The following RP1 variants were observed in gnomAD, a reference collection of about 807,000 sequenced individuals.
RP1 encodes the protein RP1 axonemal microtubule associated.
A neutral mutation model predicts 14.8 loss-of-function variants in RP1; 16 were observed. The observed-to-expected ratio is 1.08, with a 90% CI of 0.73 to 1.65. The LOEUF is 1.65. Among genes scored for constraint, RP1 ranks in the 40% most tolerant of loss-of-function variants. RP1 has a pLI of 0.00. For missense variants in RP1, 2,631 were observed against 2,535.0 expected (o/e 1.04, Z -0.81); for synonymous variants, 876 against 883.6 (o/e 0.99, Z 0.15).
At chr8:54,723,757 A>T (rs938523544) in intron 16 of RP1, among the ~76,000 whole-genome samples, 1 of 152,180 alleles carries the variant, frequency 6.6e-6, no homozygotes, top group Non-Finnish European at 1.5e-5. Context: ...GTTTTAAAAA[A>T]CTGTAGATCA....
intron 1 of RP1, among the ~76,000 whole-genome samples, chr8:54,569,050 A>G (rs2129292324): frequency 6.6e-6 from 1 of 152,370 alleles, no homozygotes; most frequent in African/African-American, 2.4e-5. Context: ...TAAATACTCA[A>G]TAAATATTAG....
At chr8:54,591,458 A>T (rs1443573121) in intron 1 of RP1, among the ~76,000 whole-genome samples, 1 of 151,858 alleles carries the variant, frequency 6.6e-6, no homozygotes, top group Non-Finnish European at 1.5e-5. Flanking sequence ...TTTCTCTTTA[A>T]ATTAGTTTTA....
chr8:54,682,993 G>T (rs1458197146), intron 12 of RP1, among the ~76,000 whole-genome samples: 1 of 151,982 alleles, frequency 6.6e-6, no homozygotes, highest in African/African-American at 2.4e-5. Flanking sequence ...TAAGGAAGGG[G>T]TCCAGTTTCC....
intron 15 of RP1, among the ~76,000 whole-genome samples, chr8:54,714,968 G>A (rs1176524519): frequency 1.3e-5 from 2 of 152,260 alleles, no homozygotes; most frequent in African/African-American, 2.4e-5. Flanking sequence ...AAAAGAGAAG[G>A]CATAATAATA....
At chr8:54,777,767 C>T (rs540184700) in intron 23 of RP1, among the ~76,000 whole-genome samples, 4 of 152,222 alleles carry the variant, frequency 2.6e-5, no homozygotes, top group East Asian at 3.9e-4. Flanking sequence ...GTCTTGTTTA[C>T]AGTATCTTTG....
chr8:54,596,252 A>T (rs1273577792), intron 1 of RP1, among the ~76,000 whole-genome samples: 1 of 152,214 alleles, frequency 6.6e-6, no homozygotes, highest in Non-Finnish European at 1.5e-5. Flanking sequence ...GTGAAATTCC[A>T]TTGTGATTTT....
At chr8:54,752,966 A>G (rs773412591) in intron 19 of RP1, among the ~76,000 whole-genome samples, 25 of 152,262 alleles carry the variant, frequency 1.6e-4, no homozygotes, top group South Asian at 2.1e-4. Context: ...TAATGTTAAT[A>G]TGAAGTATTT....
At chr8:54,663,980 C>A in intron 7 of RP1, 1 of 884,436 alleles carries the variant, frequency 1.1e-6, no homozygotes, top group Non-Finnish European at 1.6e-6. Flanking sequence ...ATTCACATTT[C>A]TGTGCAACAG....
chr8:54,843,180 C>A (rs558468542), intron 25 of RP1, among the ~76,000 whole-genome samples: 1 of 152,104 alleles, frequency 6.6e-6, no homozygotes, highest in Non-Finnish European at 1.5e-5. Flanking sequence ...GGACTACAGG[C>A]GTGCACCACC....
At position 54,853,543 on chromosome 8, in the gene RP1, C is replaced by A. The variant is rs118122064; in HGVS notation, c.3990+815C>A. ...CGTGCACAGATAAACTCCATCTCTGCCATTGTGGTTACTCCATCCATGGCC... is the reference window on the plus strand; with the variant it reads ...CGTGCACAGATAAACTCCATCTCTGACATTGTGGTTACTCCATCCATGGCC... On this transcript the variant is annotated intron_variant, in intron 26 of 28. Coordinates refer to the RP1 transcript ENST00000637698. Among the ~76,000 whole-genome samples, 486 of 152,254 alleles carry A rather than the reference C, an allele frequency of 3.2e-3. 7 individuals are homozygous for A. The East Asian group carries it at 0.053, about 17-fold the overall frequency.
At chr8:54,573,226 A>C (rs1030689175) in intron 1 of RP1, among the ~76,000 whole-genome samples, 14 of 152,226 alleles carry the variant, frequency 9.2e-5, no homozygotes, top group African/African-American at 3.4e-4. Context: ...AGAATGAGGC[A>C]TAACAGCTTG....
chr8:54,695,248 A>G (rs1386339905), intron 12 of RP1, among the ~76,000 whole-genome samples: 3 of 149,936 alleles, frequency 2.0e-5, no homozygotes, highest in Non-Finnish European at 4.4e-5. Flanking sequence ...TAAAATCGGG[A>G]CCCTTAATTT....
chr8:54,702,276 C>T (rs1371260610), intron 14 of RP1, among the ~76,000 whole-genome samples: 1 of 152,054 alleles, frequency 6.6e-6, no homozygotes, highest in East Asian at 1.9e-4. Flanking sequence ...GTTATTAAAT[C>T]AATATTCAGC....
At chr8:54,784,456 C>T (rs965570632) in intron 24 of RP1, among the ~76,000 whole-genome samples, 3 of 152,014 alleles carry the variant, frequency 2.0e-5, no homozygotes. Flanking sequence ...AAATAGAACA[C>T]TTTGGTAGTG....
intron 1 of RP1, among the ~76,000 whole-genome samples, chr8:54,606,445 AC>A: frequency 6.6e-6 from 1 of 151,864 alleles, no homozygotes; most frequent in Non-Finnish European, 1.5e-5. Flanking sequence ...TTTGTGGGTA[AC>A]CCGACCTTTC....
Position 54,836,412 on chromosome 8 carries a change from A to T in RP1, c.3616-1038A>T, listed in dbSNP as rs549464573. On this transcript the variant is annotated intron_variant, in intron 24 of 28. Transcript: ENST00000637698. ...TTAAGGTTACTAATTAGCTGACCTT[A>T]AAATAGGAAGATTAATCTGGTTTAT... Among the ~76,000 whole-genome samples, 4 of 152,340 alleles carry T rather than the reference A, an allele frequency of 2.6e-5. No individual in the cohort carries two copies. In the East Asian group the frequency reaches 7.7e-4, roughly 29 times the overall value.
intron 21 of RP1, among the ~76,000 whole-genome samples, chr8:54,758,007 A>G (rs565792457): frequency 6.6e-6 from 1 of 152,358 alleles, no homozygotes; most frequent in South Asian, 2.1e-4. Flanking sequence ...CAATAGTTGT[A>G]GTGTGTCTTC....
At chr8:54,603,272 C>A (rs936622048) in intron 1 of RP1, among the ~76,000 whole-genome samples, 55 of 151,878 alleles carry the variant, frequency 3.6e-4, no homozygotes, top group African/African-American at 1.2e-3. Context: ...CCAGTTTTCC[C>A]AGCACCATTT....
intron 1 of RP1, among the ~76,000 whole-genome samples, chr8:54,602,594 T>C (rs1354566891): frequency 3.9e-5 from 6 of 152,202 alleles, no homozygotes; most frequent in Non-Finnish European, 8.8e-5. Context: ...TAGTTCTAGA[T>C]CCCTGAGGAA....
Sources: allele counts gnomAD v4.1 joint callset (sites outside exome capture counted in the v4.1 genomes callset), GRCh38; gene constraint gnomAD v4.1.1; transcripts MANE v1.5; gene names NCBI Gene and HGNC (gene_info 2026-07-23, HGNC 2026-07-21).